The following NALCN variants were observed in gnomAD, a reference collection of about 807,000 sequenced individuals.
The protein encoded by NALCN is sodium leak channel, non-selective.
NALCN carries 111 observed loss-of-function variants against 225.3 expected under a neutral mutation model. The ratio of observed to expected loss-of-function variants is 0.49; its 90% CI spans 0.42 to 0.58. The LOEUF (loss-of-function observed/expected upper bound fraction) is 0.58. NALCN is among the 20% of genes least tolerant of loss of function. The pLI is 0.00. For synonymous variants in NALCN, 764 were observed against 769.0 expected (o/e 0.99, Z 0.11); for missense variants, 1,378 against 2,202.4 (o/e 0.63, Z 7.49).
chr13:101,077,939 CCCTGCCTTCCAGCAG>C (rs1010160054), intron 34 of NALCN, among the ~76,000 whole-genome samples: 9 of 152,214 alleles, frequency 5.9e-5, no homozygotes, highest in African/African-American at 2.2e-4. Flanking sequence ...GGACATGGTG[CCCTGCCTTCCAGCAG>C]CTTCTGCTCC....
chr13:101,311,821 CT>C (rs1566562380), intron 7 of NALCN, among the ~76,000 whole-genome samples: 1 of 152,008 alleles, frequency 6.6e-6, no homozygotes, highest in Non-Finnish European at 1.5e-5. Context: ...CTAAAATTCT[CT>C]TTTTTGGTTG....
intron 6 of NALCN, among the ~76,000 whole-genome samples, chr13:101,349,053 G>C (rs74117881): frequency 6.6e-6 from 1 of 152,014 alleles, no homozygotes; most frequent in African/African-American, 2.4e-5. Context: ...TGGGGGTGGG[G>C]TGGATGGAAT....
At chr13:101,174,075 G>C (rs1243369394) in intron 15 of NALCN, among the ~76,000 whole-genome samples, 5 of 152,114 alleles carry the variant, frequency 3.3e-5, no homozygotes, top group Non-Finnish European at 1.5e-5. Flanking sequence ...ACAAAAATGA[G>C]AGAAAGTTAA....
At chr13:101,114,448 T>C (rs1594234742) in intron 18 of NALCN, among the ~76,000 whole-genome samples, 1 of 151,660 alleles carries the variant, frequency 6.6e-6, no homozygotes, top group Non-Finnish European at 1.5e-5. Flanking sequence ...TCTCTCTCTC[T>C]CTCTCGCTGA....
At chr13:101,379,180 C>G (rs1289151218) in intron 3 of NALCN, among the ~76,000 whole-genome samples, 2 of 152,150 alleles carry the variant, frequency 1.3e-5, no homozygotes, top group Non-Finnish European at 2.9e-5. Flanking sequence ...CCATCTCACG[C>G]CAGTTTAATG....
At position 101,104,221 on chromosome 13, in the gene NALCN, C is replaced by A; in HGVS notation, c.2889+74G>T. The A allele has an allele frequency of 1.3e-6, 2 of 1,523,748 alleles. No individual in the cohort carries two copies. Among genetic ancestry groups the A allele is most frequent in the African/African-American group, 1.4e-5 (1 of 72,074 alleles). 94.4% of individuals were successfully genotyped at this position (1,523,748 alleles called of 1,614,324 possible). A position where few individuals can be genotyped will look rare whatever the true frequency, so the allele number is the denominator to read the frequency against. ...AAGCCTCTGTAACTCATACCTCTTG[C>A]GCTTATACCAAGAAATGCAGGAGAT... On this transcript the variant is annotated intron_variant, in intron 25 of 43. Transcript: ENST00000251127. This position sits in a 1 kb window ranked among gnomAD's most constrained non-coding sequence, Gnocchi z 4.2.
chr13:101,173,613 T>C (rs138765376), intron 15 of NALCN, among the ~76,000 whole-genome samples: 3 of 152,276 alleles, frequency 2.0e-5, no homozygotes, highest in African/African-American at 7.2e-5. Context: ...TATGAGAATC[T>C]ACATACAAGC....
At position 101,359,315 on chromosome 13, in the gene NALCN, C is replaced by T. The variant is rs184468037; in HGVS notation, c.645-13895G>A. ...TTCTGAAAAAAATTATTAGGAGATG[C>T]TTGCTCCCTAGGGTGCTAAAGACTA... On this transcript the variant is annotated intron_variant, in intron 6 of 43. Transcript: ENST00000251127. 3.9e-3 allele frequency among the ~76,000 whole-genome samples: 595 copies of T among 152,288 alleles called. 3 individuals carry two copies. The highest frequency in any genetic ancestry group is 0.013 in the African/African-American group (551 of 41,562).
intron 15 of NALCN, among the ~76,000 whole-genome samples, chr13:101,146,464 G>C (rs1179420730): frequency 2.0e-5 from 3 of 152,108 alleles, no homozygotes; most frequent in African/African-American, 7.2e-5. Context: ...CTCTGTGAGA[G>C]GTACACAGTT....
chr13:101,140,492 A>G (rs997578154), intron 17 of NALCN, among the ~76,000 whole-genome samples: 2 of 152,244 alleles, frequency 1.3e-5, no homozygotes, highest in East Asian at 1.9e-4. Context: ...GACTTTGGCC[A>G]TAATGGAAAT....
chr13:101,345,349 C>A lies in NALCN; in HGVS notation c.716G>T (p.Cys239Phe). The A allele has an allele frequency of 1.2e-6, 2 of 1,613,786 alleles. No homozygotes were observed. The highest frequency in any genetic ancestry group is 1.7e-6 in the Non-Finnish European group (2 of 1,179,808). Residue 239 changes from cysteine (C) to phenylalanine (F), a missense_variant, in exon 7 of 44, where the codon TGC becomes TTC. Physicochemically the swap from Cys to Phe is radical, Grantham distance 205. Transcript: ENST00000251127. ...GTCCATGCATTTAAATCCAGGTGGG[C>A]ACTGGTAGCCTTCTTCTAGCTCTGG... ...CSPELEEGYQ[C>F]PPGFKCMDLE...
intron 7 of NALCN, among the ~76,000 whole-genome samples, chr13:101,329,818 C>G (rs2045094752): frequency 6.6e-6 from 1 of 151,950 alleles, no homozygotes; most frequent in Non-Finnish European, 1.5e-5. Context: ...GTGGGCAGAT[C>G]ACCTGAGGTC....
chr13:101,237,619 C>T, intron 12 of NALCN, 136 bp downstream of exon 12: 1 of 402,956 alleles, frequency 2.5e-6, no homozygotes, highest in Non-Finnish European at 3.8e-6. Context: ...GTGCCTTTCT[C>T]AAGTTCATAT....
At chr13:101,314,048 A>C (rs1409724411) in intron 7 of NALCN, among the ~76,000 whole-genome samples, 5 of 151,796 alleles carry the variant, frequency 3.3e-5, no homozygotes, top group Admixed American at 2.0e-4. Context: ...ATTCTCAGCA[A>C]ACTATCGCAA....
intron 18 of NALCN, chr13:101,116,991 C>T (rs746298981): frequency 1.6e-5 from 8 of 514,328 alleles, no homozygotes; most frequent in Non-Finnish European, 2.7e-5. Flanking sequence ...GTGAGCTCGT[C>T]GGTAATGGCC....
chr13:101,363,108 G>T (rs927764532), intron 6 of NALCN, among the ~76,000 whole-genome samples: 4 of 151,998 alleles, frequency 2.6e-5, no homozygotes, highest in Admixed American at 2.6e-4. Flanking sequence ...AAAATGGAAA[G>T]ATATTCGATG....
intron 13 of NALCN, among the ~76,000 whole-genome samples, chr13:101,197,845 G>A (rs2039952392): frequency 6.6e-6 from 1 of 152,198 alleles, no homozygotes; most frequent in Non-Finnish European, 1.5e-5. Flanking sequence ...ATGCAGTTGA[G>A]TGGGACAACA....
intron 13 of NALCN, among the ~76,000 whole-genome samples, chr13:101,227,316 AT>A (rs1007649250): frequency 1.3e-5 from 2 of 152,090 alleles, no homozygotes; most frequent in African/African-American, 4.8e-5. Flanking sequence ...GCACTTAAAC[AT>A]CGTATGTAAG....
chr13:101,211,670 C>A (rs1043049322), intron 13 of NALCN, among the ~76,000 whole-genome samples: 283 of 130,822 alleles, frequency 2.2e-3, no homozygotes, highest in Non-Finnish European at 3.5e-3. Context: ...ATATATATAT[C>A]TCATGGTATC....
Sources: allele counts gnomAD v4.1 joint callset (sites outside exome capture counted in the v4.1 genomes callset), GRCh38; gene constraint gnomAD v4.1.1; non-coding constraint Gnocchi (gnomAD v3.1); transcripts MANE v1.5; gene names NCBI Gene and HGNC (gene_info 2026-07-23, HGNC 2026-07-21).